The following ZFHX3 variants were observed in gnomAD, a reference collection of about 807,000 sequenced individuals.
The protein encoded by ZFHX3 is zinc finger homeobox protein 3.
ZFHX3 carries 42 observed loss-of-function variants against 279.1 expected under a neutral mutation model. That is an observed-to-expected ratio of 0.15 (90% CI 0.12 to 0.19). ZFHX3 has a LOEUF of 0.19. Ranked by LOEUF, ZFHX3 falls within the 10% of genes least tolerant of loss-of-function variation. The pLI, the probability that ZFHX3 is intolerant of heterozygous loss-of-function variation, is 1.00. For synonymous variants in ZFHX3, 2,293 were observed against 1,957.8 expected (o/e 1.17, Z -4.52); for missense variants, 4,981 against 4,754.0 (o/e 1.05, Z -1.40).
chr16:72,989,548 G>C (rs560018050), intron 1 of ZFHX3, among the ~76,000 whole-genome samples: 1 of 151,598 alleles, frequency 6.6e-6, no homozygotes. Context: ...CTAAGAACAC[G>C]CATACTAGGT....
At chr16:73,800,507 G>A (rs902769709) in intron 1 of ZFHX3, among the ~76,000 whole-genome samples, 2 of 152,096 alleles carry the variant, frequency 1.3e-5, no homozygotes, top group Non-Finnish European at 2.9e-5. Context: ...ATGAGCCACC[G>A]TGCTGGGCCT....
chr16:73,433,991 G>C (rs1281775205), intron 3 of ZFHX3, among the ~76,000 whole-genome samples: 1 of 152,182 alleles, frequency 6.6e-6, no homozygotes, highest in Non-Finnish European at 1.5e-5. Flanking sequence ...GTCCCTTCTG[G>C]GAGGGGGGCG....
At chr16:73,611,927 G>A (rs1185535139) in intron 2 of ZFHX3, among the ~76,000 whole-genome samples, 1 of 152,170 alleles carries the variant, frequency 6.6e-6, no homozygotes, top group Non-Finnish European at 1.5e-5. Context: ...CTCACAAGAT[G>A]TGACAGGGTA....
chr16:72,952,270 G>A (rs1438525913), intron 2 of ZFHX3, among the ~76,000 whole-genome samples: 1 of 152,138 alleles, frequency 6.6e-6, no homozygotes, highest in South Asian at 2.1e-4. Flanking sequence ...AAGACTTGGA[G>A]AGTAATCCCT....
At chr16:73,737,248 G>T (rs2053617264) in intron 1 of ZFHX3, among the ~76,000 whole-genome samples, 1 of 152,058 alleles carries the variant, frequency 6.6e-6, no homozygotes, top group Admixed American at 6.6e-5. Context: ...TGTTGCCCAG[G>T]CTGGTCTTGA....
At chr16:73,138,507 A>G (rs2144829711) in intron 6 of ZFHX3, among the ~76,000 whole-genome samples, 1 of 152,200 alleles carries the variant, frequency 6.6e-6, no homozygotes, top group African/African-American at 2.4e-5. Context: ...AGTGAAAGAA[A>G]ACAAACATCT....
At chr16:73,830,518 C>T (rs1191198025) in intron 1 of ZFHX3, among the ~76,000 whole-genome samples, 1 of 152,132 alleles carries the variant, frequency 6.6e-6, no homozygotes, top group Non-Finnish European at 1.5e-5. Context: ...TGAAACCCCA[C>T]CCCTCTTAAC....
intron 5 of ZFHX3, among the ~76,000 whole-genome samples, chr16:73,224,239 G>T (rs188708665): frequency 1.8e-3 from 267 of 152,278 alleles, no homozygotes; most frequent in African/African-American, 6.3e-3. Flanking sequence ...CCTTCTGGTC[G>T]TGGATATTAA....
intron 4 of ZFHX3, among the ~76,000 whole-genome samples, chr16:72,887,971 G>A (rs574855389): frequency 1.4e-4 from 22 of 152,164 alleles, no homozygotes; most frequent in Non-Finnish European, 2.9e-4. Flanking sequence ...GTGTGTACAC[G>A]GGTGGGTTTG....
At chr16:73,571,812 G>C (rs907892569) in intron 2 of ZFHX3, among the ~76,000 whole-genome samples, 2 of 152,106 alleles carry the variant, frequency 1.3e-5, no homozygotes, top group Non-Finnish European at 2.9e-5. Context: ...GTCGTGAAAG[G>C]GGTGTCTCAA....
At chr16:73,597,282 C>T (rs1314221488) in intron 2 of ZFHX3, among the ~76,000 whole-genome samples, 2 of 152,180 alleles carry the variant, frequency 1.3e-5, no homozygotes, top group Non-Finnish European at 2.9e-5. Flanking sequence ...CTTCTGTTGA[C>T]CTTCCATAAC....
chr16:73,749,115 CT>C (rs1395306042), intron 1 of ZFHX3, among the ~76,000 whole-genome samples: 1 of 152,086 alleles, frequency 6.6e-6, no homozygotes, highest in African/African-American at 2.4e-5. Context: ...AACTACCAAT[CT>C]TTCAGCCTTC....
chr16:73,111,027 G>T (rs765099148), intron 7 of ZFHX3, among the ~76,000 whole-genome samples: 1 of 151,892 alleles, frequency 6.6e-6, no homozygotes, highest in Non-Finnish European at 1.5e-5. Context: ...TGCAACCTCC[G>T]GCTCCTGAGT....
intron 3 of ZFHX3, among the ~76,000 whole-genome samples, chr16:72,902,835 G>A (rs1448736797): frequency 6.6e-6 from 1 of 152,186 alleles, no homozygotes; most frequent in Non-Finnish European, 1.5e-5. Flanking sequence ...CCAGAGAGAT[G>A]GAGGACAAGG....
At chr16:73,387,207 G>A (rs928986999) in intron 3 of ZFHX3, 6 of 152,200 alleles carry the variant, frequency 3.9e-5, no homozygotes, top group Admixed American at 6.5e-5. Context: ...AGCTTCTGAA[G>A]TTCAGGTTCG....
intron 2 of ZFHX3, chr16:73,608,800 A>AT (rs2052216842): frequency 6.6e-6 from 1 of 152,216 alleles, no homozygotes; most frequent in African/African-American, 2.4e-5. Context: ...TCCAGATTTA[A>AT]TAAGTATTCA....
intron 1 of ZFHX3, among the ~76,000 whole-genome samples, chr16:73,876,635 T>C (rs2029955633): frequency 6.6e-6 from 1 of 152,214 alleles, no homozygotes; most frequent in Admixed American, 6.5e-5. Context: ...TAGAAATAGT[T>C]CCTTTAATCA....
chr16:73,738,167 G>T (rs1863541286), intron 1 of ZFHX3, among the ~76,000 whole-genome samples: 1 of 152,220 alleles, frequency 6.6e-6, no homozygotes, highest in Non-Finnish European at 1.5e-5. Flanking sequence ...TTGGGGACCT[G>T]TTGGGCAGTT....
chr16:73,749,414 A>C (rs1215043233), intron 1 of ZFHX3, among the ~76,000 whole-genome samples: 4 of 152,068 alleles, frequency 2.6e-5, no homozygotes, highest in Admixed American at 2.0e-4. Context: ...CTCTGGAACT[A>C]TTATAGACCC....
Sources: allele counts gnomAD v4.1 joint callset (sites outside exome capture counted in the v4.1 genomes callset), GRCh38; gene constraint gnomAD v4.1.1; transcripts MANE v1.5; gene names NCBI Gene and HGNC (gene_info 2026-07-23, HGNC 2026-07-21).